HMCN1: variants seen among roughly 807,000 people sequenced by gnomAD.
The protein encoded by HMCN1 is hemicentin-1.
In HMCN1, 321 loss-of-function variants were observed where a neutral mutation model predicts 625.9. The ratio of observed to expected loss-of-function variants is 0.51; its 90% CI spans 0.47 to 0.56. The LOEUF is 0.56. HMCN1 is among the 20% of genes least tolerant of loss of function. The pLI, the probability that HMCN1 is intolerant of heterozygous loss-of-function variation, is 0.00. For missense variants in HMCN1, 6,588 were observed against 6,887.3 expected (o/e 0.96, Z 1.54); for synonymous variants, 2,425 against 2,417.6 (o/e 1.00, Z -0.09).
chr1:186,058,736 G>T (rs1657504020), intron 46 of HMCN1, among the ~76,000 whole-genome samples: 1 of 151,984 alleles, frequency 6.6e-6, no homozygotes, highest in Admixed American at 6.6e-5. Context: ...ACTTTAAGTG[G>T]CAGTAAGCTC....
chr1:186,062,910 A>G (rs1295214936), intron 48 of HMCN1, among the ~76,000 whole-genome samples: 1 of 151,022 alleles, frequency 6.6e-6, no homozygotes, highest in Non-Finnish European at 1.5e-5. Flanking sequence ...TATAAGTTAG[A>G]ACATACGATA....
intron 1 of HMCN1, among the ~76,000 whole-genome samples, chr1:185,842,800 A>T (rs189675663): frequency 6.6e-6 from 1 of 152,082 alleles, no homozygotes; most frequent in Non-Finnish European, 1.5e-5. Context: ...GTGTGCATCA[A>T]ATTAAAATTC....
At chr1:186,134,252 T>A (rs1048713627) in intron 86 of HMCN1, among the ~76,000 whole-genome samples, 3 of 152,182 alleles carry the variant, frequency 2.0e-5, no homozygotes, top group African/African-American at 7.2e-5. Context: ...TTTATTGTAT[T>A]AATTTATAGC....
At chr1:185,801,077 T>C (rs893984755) in intron 1 of HMCN1, among the ~76,000 whole-genome samples, 2 of 152,136 alleles carry the variant, frequency 1.3e-5, no homozygotes, top group Non-Finnish European at 2.9e-5. Flanking sequence ...ACACCTGATA[T>C]AACGACTGTA....
Position 185,741,199 on chromosome 1 carries a change from C to T in HMCN1, c.268+6152C>T, listed in dbSNP as rs115989448. ...GAACTTTCCAGTCACCAGAATCATA[C>T]GCCCAATATGCCATTTTTCTTTAAA... On this transcript the variant is annotated intron_variant, in intron 1 of 106. Transcript: ENST00000271588. Among the ~76,000 whole-genome samples, 501 of 152,170 alleles carry T rather than the reference C, an allele frequency of 3.3e-3. 3 individuals carry two copies. The highest frequency in any genetic ancestry group is 0.011 in the African/African-American group (469 of 41,516).
chr1:186,157,709 C>T (rs913800602), intron 97 of HMCN1, among the ~76,000 whole-genome samples: 10 of 152,020 alleles, frequency 6.6e-5, no homozygotes, highest in Non-Finnish European at 1.3e-4. Flanking sequence ...TTTGTTCTTG[C>T]GATAGTTTAC....
At chr1:186,087,680 C>T (rs1255463856) in intron 60 of HMCN1, 35 bp downstream of exon 60, 4 of 1,582,686 alleles carry the variant, frequency 2.5e-6, no homozygotes, top group Non-Finnish European at 2.6e-6. Flanking sequence ...TGTCATGACA[C>T]CTTGGTGGGG....
At chr1:185,862,727 G>T (rs368211084) in intron 2 of HMCN1, among the ~76,000 whole-genome samples, 3 of 152,192 alleles carry the variant, frequency 2.0e-5, no homozygotes, top group East Asian at 1.9e-4. Flanking sequence ...GATAAGTTCT[G>T]CAAAAAGAGA....
chr1:186,038,435 A>T (rs1257538635), intron 37 of HMCN1, among the ~76,000 whole-genome samples: 1 of 152,202 alleles, frequency 6.6e-6, no homozygotes, highest in Non-Finnish European at 1.5e-5. Context: ...TAGATTATTC[A>T]TATGAATCAG....
intron 1 of HMCN1, among the ~76,000 whole-genome samples, chr1:185,782,876 A>T (rs911044444): frequency 1.3e-4 from 19 of 151,818 alleles, no homozygotes; most frequent in Admixed American, 1.2e-3. Flanking sequence ...GTATTTCCTG[A>T]ATTTGAATGT....
chr1:186,097,772 T>C (rs1029189683), intron 68 of HMCN1, among the ~76,000 whole-genome samples: 6 of 152,040 alleles, frequency 3.9e-5, no homozygotes, highest in African/African-American at 1.4e-4. Flanking sequence ...AGAACAAAGC[T>C]GAAGGCAGCA....
intron 75 of HMCN1, among the ~76,000 whole-genome samples, 198 bp downstream of exon 75, chr1:186,115,612 T>C (rs1373304229): frequency 6.6e-6 from 1 of 152,168 alleles, no homozygotes; most frequent in Non-Finnish European, 1.5e-5. Context: ...TTTCCATACA[T>C]AAACCCTGTG....
chr1:185,828,361 T>C (rs1282326236), intron 1 of HMCN1, among the ~76,000 whole-genome samples: 1 of 152,088 alleles, frequency 6.6e-6, no homozygotes. Context: ...AAAATAACAC[T>C]TTATAAAGAT....
intron 93 of HMCN1, 39 bp from the exon 94 acceptor site, chr1:186,151,161 T>C: frequency 6.2e-7 from 1 of 1,609,590 alleles, no homozygotes; most frequent in Non-Finnish European, 8.5e-7. Context: ...TTGATGAAAT[T>C]GCATCCTTAT....
At chr1:185,846,353 G>T (rs1296570016) in intron 2 of HMCN1, among the ~76,000 whole-genome samples, 1 of 152,192 alleles carries the variant, frequency 6.6e-6, no homozygotes, top group African/African-American at 2.4e-5. Context: ...GAGTTGAGTA[G>T]TTGTGGCAGA....
At chr1:186,145,211 T>G (rs142129647) in intron 91 of HMCN1, among the ~76,000 whole-genome samples, 192 bp from the exon 92 acceptor site, 278 of 152,386 alleles carry the variant, frequency 1.8e-3, no homozygotes, top group African/African-American at 6.3e-3. Flanking sequence ...AATACAGGAA[T>G]GCATACTCAG....
chr1:186,151,732 A>C lies in HMCN1; in HGVS notation c.14885A>C (p.Glu4962Ala), dbSNP rs1650676552. The change falls in exon 95 of 107, where the codon GAA becomes GCA. Residue 4962 changes from glutamate (E) to alanine (A), a missense_variant. Physicochemically the swap from Glu to Ala is moderately radical, Grantham distance 107. Around this residue, in one of 3 missense-constraint regions of HMCN1, gnomAD observed 1,954 missense variants for 2,013.1 expected, o/e 0.97. Coordinates refer to ENST00000271588, the MANE Select transcript of HMCN1 (RefSeq NM_031935.3). ...GTCTTCAAAAGAGAAACTCAAGTGG[A>C]ATTTGCAACTGGTTAGTGTCAGCTG... ...NAVFKRETQV[E>A]FATGEILQMS... The C allele has an allele frequency of 7.4e-6, 12 of 1,613,676 alleles. No homozygotes were observed. The highest frequency in any genetic ancestry group is 1.0e-5 in the Non-Finnish European group (12 of 1,179,688).
chr1:185,925,251 C>A (rs975118989), intron 9 of HMCN1, 60 bp downstream of exon 9: 2 of 1,480,344 alleles, frequency 1.4e-6, no homozygotes. Flanking sequence ...TATAAATAGA[C>A]TATTATTGCA....
In HMCN1 at chr1:185,970,483, G is replaced by A. The variant is rs1650737809; in HGVS notation, c.2361G>A (p.Leu787=). ...GAAGAGCAACTGGCAAGATAACTCT[G>A]GATGTTGGCTGTAAGCCTCCAGATC... ...EAGRATGKIT[L]DVGSPPVFIQ... is the part of the protein sequence containing the mutation. The change falls in exon 15 of 107, where the codon CTG becomes CTA. Residue 787 remains leucine, a synonymous_variant. Coordinates refer to ENST00000271588, the MANE Select transcript of HMCN1 (RefSeq NM_031935.3). The A allele has an allele frequency of 6.2e-7, 1 of 1,613,640 alleles. No homozygotes were observed. Among genetic ancestry groups the A allele is most frequent in the African/African-American group, 1.3e-5 (1 of 75,006 alleles).
Sources: gnomAD v4.1 joint callset for allele counts (sites outside exome capture counted in the v4.1 genomes callset) on GRCh38, gnomAD v4.1.1 for gene constraint, gnomAD v4.1.1 regional missense constraint, MANE v1.5 for transcripts, NCBI Gene and HGNC (gene_info 2026-07-23, HGNC 2026-07-21) for gene names.